Variants in ASPHD1 observed in about 807,000 individuals in gnomAD.
The protein encoded by ASPHD1 is aspartate beta-hydroxylase domain containing 1.
A neutral mutation model predicts 28.3 loss-of-function variants in ASPHD1; 20 were observed. The ratio of observed to expected loss-of-function variants is 0.71; its 90% CI spans 0.50 to 1.03. The LOEUF is 1.03. ASPHD1 is among the 50% of genes least tolerant of loss of function. ASPHD1 has a pLI of 0.00. For synonymous variants in ASPHD1, 240 were observed against 221.2 expected, an observed-to-expected ratio of 1.08 and a Z score of -0.75; for missense variants, 479 against 524.1, an observed-to-expected ratio of 0.91 and a Z score of 0.84.
chr16:29,907,922 G>C (rs1046454280), downstream of ASPHD1, among the ~76,000 whole-genome samples: 1 of 151,646 alleles, frequency 6.6e-6, no homozygotes, highest in African/African-American at 2.4e-5. Flanking sequence ...AACATCGTTA[G>C]AGCCCAGGAG....
Position 29,900,903 on chromosome 16 carries a change from G to A in ASPHD1, c.-69G>A. On this transcript the variant is annotated 5_prime_UTR_variant, in exon 1 of 3. Transcript: ENST00000308748. The stretch of plus-strand genomic sequence containing the variant: ...AGAAGAGGGTGAGGAGGCGACAGAG[G>A]GAGAGGAGGAAGAAGAGGTAGAAGG... 7.1e-7 allele frequency: 1 copy of A among 1,400,532 alleles called. No individual in the cohort carries two copies. The highest frequency in any genetic ancestry group is 2.5e-5 in the East Asian group (1 of 40,236). 86.8% of individuals were successfully genotyped at this position (1,400,532 alleles called of 1,614,324 possible).
intron 3 of ASPHD1, among the ~76,000 whole-genome samples, chr16:29,918,787 A>T (rs554686465): frequency 6.6e-6 from 1 of 152,182 alleles, no homozygotes; most frequent in Admixed American, 6.5e-5. Flanking sequence ...CCTCCTGAGT[A>T]GCTGGGATTA....
chr16:29,911,937 C>A lies in ASPHD1; in HGVS notation c.*62+5978C>A, dbSNP rs372064520. The A allele has an allele frequency of 3.6e-4, 577 of 1,609,788 alleles. 1 individual carries two copies. The highest frequency in any genetic ancestry group is 4.5e-4 in the Non-Finnish European group (526 of 1,178,482). On this transcript the variant is annotated intron_variant and NMD_transcript_variant, in intron 3 of 3. Coordinates refer to the ASPHD1 transcript ENST00000414952. ...AGAGGCCCCCCCAGTGAGCCTCCACCCTGCAGGGCTTGGGGGCCTCACCTT... is the reference window on the plus strand; with the variant it reads ...AGAGGCCCCCCCAGTGAGCCTCCACACTGCAGGGCTTGGGGGCCTCACCTT...
In ASPHD1 at chr16:29,901,972, C is replaced by CA. The variant is rs748508299; in HGVS notation, c.949+53dup. 9 of 1,362,900 alleles carry CA rather than the reference C, an allele frequency of 6.6e-6. No homozygotes were observed. The East Asian group carries it at 1.9e-4, about 29-fold the overall frequency. 84.4% of individuals were successfully genotyped at this position (1,362,900 alleles called of 1,614,324 possible). On this transcript the variant is annotated intron_variant, in intron 1 of 2. Coordinates refer to ENST00000308748, the MANE Select transcript of ASPHD1 (RefSeq NM_181718.4). The surrounding 1 kb of genome is among the most constrained non-coding windows in gnomAD (Gnocchi z 5.1). ...CTCCTTGCCTCGATGATTTCCCCCCCAGACCCTTCTCTCCGCCAGAGCCGT... is the reference window on the plus strand; with the variant it reads ...CTCCTTGCCTCGATGATTTCCCCCCCAAGACCCTTCTCTCCGCCAGAGCCGT...
intron 2 of ASPHD1, 101 bp downstream of exon 2, chr16:29,905,066 C>T: frequency 1.3e-6 from 1 of 789,958 alleles, no homozygotes; most frequent in East Asian, 2.7e-5. Context: ...TCCTGTCCTA[C>T]CACCACCATC....
chr16:29,911,229 C>T, intron 3 of ASPHD1: 3 of 1,375,840 alleles, frequency 2.2e-6, no homozygotes, highest in Non-Finnish European at 3.1e-6. Context: ...CCCTCTGTAC[C>T]CCCAGAAGAC....
In ASPHD1 at chr16:29,911,121, G is replaced by A. The variant is rs1231102773; in HGVS notation, c.*62+5162G>A. The A allele has an allele frequency of 1.9e-6, 3 of 1,614,172 alleles. No individual in the cohort carries two copies. In the Admixed American group the frequency reaches 5.0e-5, roughly 27 times the overall value. On this transcript the variant is annotated intron_variant and NMD_transcript_variant, in intron 3 of 3. Transcript: ENST00000414952. ...AAGAGTAGCCGCCCGTGGAAGCGCA[G>A]GGCCAGCTTGTCGAACAGCTCGATG... is the stretch of plus-strand genomic sequence containing the variant.
intron 3 of ASPHD1, chr16:29,911,328 C>T (rs755370398): frequency 4.5e-5 from 29 of 638,570 alleles, no homozygotes; most frequent in East Asian, 1.1e-4. Context: ...CCAGGCTAAA[C>T]GGGTCTCAGA....
chr16:29,906,833 G>C (rs1178872816), downstream of ASPHD1: 1 of 1,559,926 alleles, frequency 6.4e-7, no homozygotes, highest in South Asian at 1.1e-5. Flanking sequence ...AGAGGGACTG[G>C]GTCCCAAGGC....
At chr16:29,917,403 T>C (rs921950084) in intron 3 of ASPHD1, among the ~76,000 whole-genome samples, 7 of 152,126 alleles carry the variant, frequency 4.6e-5, no homozygotes, top group African/African-American at 1.7e-4. Flanking sequence ...TCCCAGCACT[T>C]TGGGAGGCCG....
At chr16:29,902,868 AAACT>A (rs1346531876) in intron 1 of ASPHD1, among the ~76,000 whole-genome samples, 1 of 147,936 alleles carries the variant, frequency 6.8e-6, no homozygotes, top group Admixed American at 6.8e-5. Context: ...CAGTAGCACC[AAACT>A]GAGATTTTTT....
chr16:29,909,702 T>A (rs1227969617), downstream of ASPHD1, among the ~76,000 whole-genome samples: 2 of 151,700 alleles, frequency 1.3e-5, no homozygotes, highest in African/African-American at 2.4e-5. Flanking sequence ...TTTTTTTTTT[T>A]AATTAGAGTT....
chr16:29,911,904 C>T, intron 3 of ASPHD1: 1 of 1,610,340 alleles, frequency 6.2e-7, no homozygotes, highest in Non-Finnish European at 8.5e-7. Flanking sequence ...AGGGGTGAGG[C>T]TGCAGGGAGA....
At chr16:29,911,781 G>T in intron 3 of ASPHD1, 1 of 1,610,286 alleles carries the variant, frequency 6.2e-7, no homozygotes, top group Non-Finnish European at 8.5e-7. Flanking sequence ...TGCATCCCAG[G>T]GTCCCGCCCA....
At chr16:29,912,239 C>G (rs2068726505) in intron 3 of ASPHD1, 1 of 616,524 alleles carries the variant, frequency 1.6e-6, no homozygotes, top group African/African-American at 1.9e-5. Flanking sequence ...CCACGGACAC[C>G]TTGCTGCTTC....
intron 3 of ASPHD1, among the ~76,000 whole-genome samples, chr16:29,916,852 C>T (rs2068818647): frequency 6.6e-6 from 1 of 152,178 alleles, no homozygotes; most frequent in African/African-American, 2.4e-5. Flanking sequence ...AGAAGGTTTG[C>T]CTGGGCCTAG....
chr16:29,914,572 G>A (rs1301126086), intron 3 of ASPHD1: 1 of 151,720 alleles, frequency 6.6e-6, no homozygotes, highest in Non-Finnish European at 1.5e-5. Flanking sequence ...CCAAGTAGCT[G>A]GGACTACAGG....
chr16:29,913,975 G>A (rs957955862), intron 3 of ASPHD1: 1 of 152,194 alleles, frequency 6.6e-6, no homozygotes, highest in Non-Finnish European at 1.5e-5. Context: ...GATTACCGAG[G>A]TGTGCCATCA....
intron 3 of ASPHD1, chr16:29,914,667 A>T (rs183458365): frequency 1.1e-4 from 16 of 152,336 alleles, no homozygotes; most frequent in Middle Eastern, 6.8e-3. Context: ...TCCTGACCTC[A>T]GGTGATCCAC....
Sources: allele counts gnomAD v4.1 joint callset (sites outside exome capture counted in the v4.1 genomes callset), GRCh38; gene constraint gnomAD v4.1.1; non-coding constraint Gnocchi (gnomAD v3.1); transcripts MANE v1.5; gene names NCBI Gene and HGNC (gene_info 2026-07-23, HGNC 2026-07-21).